PRKD2: variants seen among roughly 807,000 people sequenced by gnomAD.
PRKD2 encodes serine/threonine-protein kinase D2.
Under a neutral mutation model 86.0 loss-of-function variants are expected in PRKD2, and 22 were observed. The observed-to-expected ratio is 0.26, with a 90% confidence interval of 0.18 to 0.37. The LOEUF is 0.37. Among genes scored for constraint, PRKD2 ranks in the 10% least tolerant of loss-of-function variants. PRKD2 has a pLI of 1.00. For synonymous variants in PRKD2, 509 were observed against 510.9 expected, an observed-to-expected ratio of 1.00 and a Z score of 0.05; for missense variants, 818 against 1,199.2, an observed-to-expected ratio of 0.68 and a Z score of 4.70.
intron 1 of PRKD2, among the ~76,000 whole-genome samples, chr19:46,715,666 T>G (rs983317723): frequency 6.6e-6 from 1 of 152,128 alleles, no homozygotes; most frequent in African/African-American, 2.4e-5. Flanking sequence ...GAGGGCAGAA[T>G]TGGGCTCCGA....
In PRKD2 at chr19:46,704,614, T is replaced by C; in HGVS notation, c.547A>G (p.Ser183Gly). Reference sequence around the variant, plus strand: ...GCCCCACTACAGTTGTTGGGGATGCTGAAGGCACAGCGCTTGTGGTAGTTC... The same window carrying C: ...GCCCCACTACAGTTGTTGGGGATGCCGAAGGCACAGCGCTTGTGGTAGTTC... ...GLNYHKRCAF[S>G]IPNNCSGARK... The change falls in exon 4 of 18, where the codon AGC (serine) becomes GGC (glycine). Residue 183 changes from serine to glycine, a missense_variant. This residue lies in a region of PRKD2 where 403 missense variants were observed against 518.6 expected (regional missense o/e 0.78). Transcript: ENST00000291281. The C allele has an allele frequency of 1.9e-6, 3 of 1,613,164 alleles. No homozygotes were observed. The highest frequency in any genetic ancestry group is 1.7e-5 in the Admixed American group (1 of 59,908).
At chr19:46,674,881 C>A in intron 17 of PRKD2, 146 bp from the exon 18 acceptor site, 1 of 1,154,650 alleles carries the variant, frequency 8.7e-7, no homozygotes, top group Non-Finnish European at 1.2e-6. Context: ...TTTAGCTCCA[C>A]CCCCTCTTCC....
chr19:46,691,739 A>G lies in PRKD2; in HGVS notation c.1698T>C (p.Tyr566=), dbSNP rs781756720. 6.2e-7 allele frequency: 1 copy of G among 1,612,446 alleles called. No homozygotes were observed. The highest frequency in any genetic ancestry group is 8.5e-7 in the Non-Finnish European group (1 of 1,179,924). Residue 566 remains tyrosine (Y), a synonymous_variant, in exon 12 of 18, where the codon TAT becomes TAC. Coordinates refer to ENST00000291281, the MANE Select transcript of PRKD2 (RefSeq NM_016457.5). ...TTAGCTCTGAAGTGTCCTCACCTCCATAGACCACTCCAAACTGCCCTGAGC... is the reference window on the plus strand; with the variant it reads ...TTAGCTCTGAAGTGTCCTCACCTCCGTAGACCACTCCAAACTGCCCTGAGC... The part of the protein sequence containing the change: ...VLGSGQFGVV[Y]GGKHRKTGRD...
At chr19:46,705,408 C>CT (rs912463063) in intron 3 of PRKD2, among the ~76,000 whole-genome samples, 2 of 152,034 alleles carry the variant, frequency 1.3e-5, no homozygotes, top group Admixed American at 1.3e-4. Flanking sequence ...GTCACTATCC[C>CT]TCCAGGTCTG....
intron 13 of PRKD2, 31 bp downstream of exon 13, chr19:46,690,568 GA>G (rs758440090): frequency 9.1e-5 from 146 of 1,603,320 alleles, no homozygotes; most frequent in Non-Finnish European, 1.2e-4. Context: ...ATGAAAGGAA[GA>G]AGCAGAAAGG....
At chr19:46,700,599 C>A (rs1398479948) in intron 7 of PRKD2, among the ~76,000 whole-genome samples, 200 bp downstream of exon 7, 1 of 152,026 alleles carries the variant, frequency 6.6e-6, no homozygotes, top group Non-Finnish European at 1.5e-5. Context: ...ACCACTGCAC[C>A]AGCCTGGGCG....
chr19:46,690,492 TC>T, intron 13 of PRKD2, 107 bp downstream of exon 13: 5 of 932,254 alleles, frequency 5.4e-6, no homozygotes, highest in Non-Finnish European at 8.6e-6. Context: ...CCCTTCAGTC[TC>T]AACATGCACA....
In PRKD2 at chr19:46,689,696, G is replaced by T; in HGVS notation, c.1812C>A (p.Ser604Arg). The T allele has an allele frequency of 6.2e-7, 1 of 1,614,020 alleles. No homozygotes were observed. Among genetic ancestry groups the T allele is most frequent in the South Asian group, 1.1e-5 (1 of 91,088 alleles). ...QLRNEVAILQ[S>R]LRHPGIVNLE... ...GGTTCACGATCCCGGGATGCCGCAG[G>T]CTCTGCAGGGTGGGGAGCGGGGTCA... Residue 604 changes from serine (S) to arginine (R), a missense_variant and splice_region_variant, in exon 14 of 18, where the codon AGC becomes AGA. Physicochemically the swap from Ser to Arg is moderately radical, Grantham distance 110. Coordinates refer to ENST00000291281, the MANE Select transcript of PRKD2 (RefSeq NM_016457.5).
At chr19:46,712,322 C>T (rs2053821672) in intron 2 of PRKD2, among the ~76,000 whole-genome samples, 1 of 151,984 alleles carries the variant, frequency 6.6e-6, no homozygotes, top group Non-Finnish European at 1.5e-5. Flanking sequence ...GGGCAGATCA[C>T]TTAAGATCAG....
chr19:46,706,589 C>T (rs1416915485), intron 3 of PRKD2, among the ~76,000 whole-genome samples: 1 of 152,156 alleles, frequency 6.6e-6, no homozygotes, highest in Non-Finnish European at 1.5e-5. Context: ...AAACTCCTGT[C>T]GGAATGTAGT....
At chr19:46,690,458 T>C in intron 13 of PRKD2, 142 bp downstream of exon 13, 1 of 692,002 alleles carries the variant, frequency 1.4e-6, no homozygotes, top group Non-Finnish European at 2.6e-6. Flanking sequence ...TACAGGCTGG[T>C]CCCTCTGCTA....
intron 5 of PRKD2, among the ~76,000 whole-genome samples, chr19:46,703,410 T>C (rs1480435600): frequency 1.3e-5 from 2 of 151,940 alleles, no homozygotes; most frequent in Non-Finnish European, 2.9e-5. Context: ...GAGGATTGCT[T>C]GAGCCCAGGA....
At chr19:46,710,831 CG>C in intron 3 of PRKD2, 75 bp downstream of exon 3, 1 of 1,433,614 alleles carries the variant, frequency 7.0e-7, no homozygotes, top group South Asian at 1.3e-5. Flanking sequence ...ACGCTGTCCC[CG>C]TGCCAGGACC....
At chr19:46,707,833 A>C (rs2053736878) in intron 3 of PRKD2, among the ~76,000 whole-genome samples, 1 of 152,168 alleles carries the variant, frequency 6.6e-6, no homozygotes, top group South Asian at 2.1e-4. Context: ...GCGGTGGCTC[A>C]TGCCTGTAAT....
At chr19:46,702,443 G>C (rs1298611540) in intron 5 of PRKD2, among the ~76,000 whole-genome samples, 2 of 152,038 alleles carry the variant, frequency 1.3e-5, no homozygotes, top group African/African-American at 4.8e-5. Context: ...CAAGATTTTA[G>C]GGTGTTATAT....
rs747474157 is a variant in PRKD2 at position 46,697,859 on chromosome 19, G to A, written c.1122-9C>T. On this transcript the variant is annotated splice_polypyrimidine_tract_variant and intron_variant, in intron 7 of 17. Transcript: ENST00000291281. ...GGATGTACCCCAGGGAGCTGCGAAGGAAGAGGAAGGGGTGAGAAGTCACAT... is the reference window on the plus strand; with the variant it reads ...GGATGTACCCCAGGGAGCTGCGAAGAAAGAGGAAGGGGTGAGAAGTCACAT... 48 of 1,604,244 alleles carry A rather than the reference G, an allele frequency of 3.0e-5. No homozygotes were observed. The highest frequency in any genetic ancestry group is 3.9e-5 in the Non-Finnish European group (46 of 1,171,414).
chr19:46,687,059 G>C (rs1345313114), intron 14 of PRKD2, among the ~76,000 whole-genome samples: 1 of 151,874 alleles, frequency 6.6e-6, no homozygotes, highest in Non-Finnish European at 1.5e-5. Flanking sequence ...TAAGTGATAA[G>C]AATCTAATGT....
rs773811554 is a variant in PRKD2 at position 46,704,654 on chromosome 19, A to AG, written c.512-6dup. ...TGTGGTAGTTCAGCCCGCAGCCTGC[A>AG]GGGGGCGCCAGAGAGTAAGAGACAT... On this transcript the variant is annotated splice_region_variant and splice_polypyrimidine_tract_variant and intron_variant, in intron 3 of 17. Transcript: ENST00000291281. The AG allele has an allele frequency of 2.5e-4, 396 of 1,597,288 alleles. 1 individual carries two copies. Among genetic ancestry groups the AG allele is most frequent in the Non-Finnish European group, 3.3e-4 (385 of 1,170,876 alleles).
chr19:46,674,423 T>A lies in PRKD2; in HGVS notation c.*100A>T. On this transcript the variant is annotated 3_prime_UTR_variant, in exon 18 of 18. Coordinates refer to ENST00000291281, the MANE Select transcript of PRKD2 (RefSeq NM_016457.5). ...CCCACCCCACTCCCCACGTGTCCCA[T>A]CCAGTTTGGGCAGGAAGCCACTTTC... 7.6e-7 allele frequency: 1 copy of A among 1,307,984 alleles called. No individual in the cohort carries two copies. Among genetic ancestry groups the A allele is most frequent in the Admixed American group, 2.5e-5 (1 of 40,410 alleles). The allele number at this position is 1,307,984 out of a possible 1,614,324, so 81.0% of individuals were successfully genotyped here. A position where few individuals can be genotyped will look rare whatever the true frequency, so the allele number is the denominator to read the frequency against.
Sources: gnomAD v4.1 joint callset for allele counts (sites outside exome capture counted in the v4.1 genomes callset) on GRCh38, gnomAD v4.1.1 for gene constraint, gnomAD v4.1.1 regional missense constraint, MANE v1.5 for transcripts, NCBI Gene and HGNC (gene_info 2026-07-23, HGNC 2026-07-21) for gene names.